Variants in KMT2C observed in about 807,000 individuals in gnomAD.
The protein encoded by KMT2C is histone-lysine N-methyltransferase 2C.
In KMT2C, 88 loss-of-function variants were observed where a neutral mutation model predicts 507.9. The ratio of observed to expected loss-of-function variants is 0.17; its 90% CI spans 0.15 to 0.21. KMT2C has a LOEUF of 0.21. KMT2C is among the 10% of genes least tolerant of loss of function. The probability of loss-of-function intolerance (pLI) is 1.00; values close to 1 mark genes in which losing one functional copy is unlikely to be tolerated. For synonymous variants in KMT2C, 2,049 were observed against 2,080.8 expected (o/e 0.98, Z 0.42); for missense variants, 4,954 against 5,957.8 (o/e 0.83, Z 5.55).
intron 1 of KMT2C, among the ~76,000 whole-genome samples, chr7:152,394,616 T>C (rs2097525840): frequency 2.0e-5 from 3 of 152,218 alleles, no homozygotes; most frequent in African/African-American, 7.2e-5. Flanking sequence ...ATGGCTTTAT[T>C]TTTTTCCATA....
At chr7:152,370,055 G>A (rs1170239704) in intron 1 of KMT2C, among the ~76,000 whole-genome samples, 5 of 152,034 alleles carry the variant, frequency 3.3e-5, no homozygotes, top group South Asian at 2.1e-4. Flanking sequence ...TTAGCTGGGC[G>A]TGGTAGTGGG....
At chr7:152,433,588 G>A (rs977619271) in intron 1 of KMT2C, among the ~76,000 whole-genome samples, 22 of 152,192 alleles carry the variant, frequency 1.4e-4, no homozygotes, top group African/African-American at 4.6e-4. Context: ...AAAGAAAGCA[G>A]TACTAGTTTT....
chr7:152,250,328 C>G (rs1391689051), intron 12 of KMT2C, among the ~76,000 whole-genome samples: 1 of 152,036 alleles, frequency 6.6e-6, no homozygotes, highest in Non-Finnish European at 1.5e-5. Context: ...ACATACAACA[C>G]CAAAGACTTT....
chr7:152,199,418 T>C lies in KMT2C; in HGVS notation c.4134A>G (p.Gln1378=), dbSNP rs1343552672. Residue 1378 remains glutamine (Q), a synonymous_variant, in exon 27 of 59, where the codon CAA becomes CAG. Coordinates refer to ENST00000262189, the MANE Select transcript of KMT2C (RefSeq NM_170606.3). ...ACAGATTATCTAAACTTATCTTGCT[T>C]TGTCTACTTGTATCTAGAAGATCTT... ...FGKDLLDTSR[Q]SKISLDNLSE... The C allele has an allele frequency of 1.3e-6, 2 of 1,581,954 alleles. No homozygotes were observed. Among genetic ancestry groups the C allele is most frequent in the Non-Finnish European group, 1.7e-6 (2 of 1,169,408 alleles).
intron 14 of KMT2C, among the ~76,000 whole-genome samples, chr7:152,245,865 G>A (rs2095463759): frequency 1.3e-5 from 2 of 152,126 alleles, no homozygotes; most frequent in South Asian, 2.1e-4. Flanking sequence ...GAAAATGCCA[G>A]TGATGTTAAC....
intron 2 of KMT2C, among the ~76,000 whole-genome samples, chr7:152,349,542 A>G (rs2097092991): frequency 6.6e-6 from 1 of 152,208 alleles, no homozygotes; most frequent in South Asian, 2.1e-4. Context: ...AAAAGACTAC[A>G]TATCCTATAT....
intron 1 of KMT2C, among the ~76,000 whole-genome samples, chr7:152,417,748 C>T (rs967370130): frequency 1.3e-5 from 2 of 150,446 alleles, no homozygotes; most frequent in African/African-American, 4.9e-5. Context: ...TTCACGCCAT[C>T]CTCCTGCTTC....
chr7:152,399,049 C>T (rs915777429), intron 1 of KMT2C, among the ~76,000 whole-genome samples: 2 of 151,920 alleles, frequency 1.3e-5, no homozygotes, highest in Admixed American at 1.3e-4. Context: ...GGCTGGTCTC[C>T]AACTCCTGAG....
intron 28 of KMT2C, among the ~76,000 whole-genome samples, chr7:152,195,288 T>C (rs1168465201): frequency 6.6e-6 from 1 of 152,208 alleles, no homozygotes; most frequent in African/African-American, 2.4e-5. Flanking sequence ...GTAAACCACA[T>C]ATTAACAAAA....
intron 7 of KMT2C, among the ~76,000 whole-genome samples, chr7:152,269,779 A>C (rs2095926766): frequency 6.6e-6 from 1 of 152,210 alleles, no homozygotes; most frequent in African/African-American, 2.4e-5. Context: ...GATGAAGCTA[A>C]ATGAAGTAAA....
At chr7:152,374,736 T>G (rs1259232484) in intron 1 of KMT2C, among the ~76,000 whole-genome samples, 3 of 151,870 alleles carry the variant, frequency 2.0e-5, no homozygotes, top group Admixed American at 6.6e-5. Context: ...CTGTCCCTAC[T>G]AAAAATACAA....
At chr7:152,259,847 A>T (rs2095738683) in intron 9 of KMT2C, among the ~76,000 whole-genome samples, 1 of 152,250 alleles carries the variant, frequency 6.6e-6, no homozygotes, top group Non-Finnish European at 1.5e-5. Flanking sequence ...GTAAACACTC[A>T]AAAGTTAAAT....
intron 1 of KMT2C, among the ~76,000 whole-genome samples, chr7:152,387,436 A>AAGT (rs1554699488): frequency 1.1e-4 from 15 of 132,692 alleles, no homozygotes; most frequent in African/African-American, 2.1e-4. Flanking sequence ...GCCAAAAAAA[A>AAGT]AAGTGACAAA....
chr7:152,322,952 A>G (rs1442064759), intron 3 of KMT2C, among the ~76,000 whole-genome samples: 1 of 152,068 alleles, frequency 6.6e-6, no homozygotes, highest in Non-Finnish European at 1.5e-5. Flanking sequence ...ATGAAAATTA[A>G]AACAAGTATA....
intron 33 of KMT2C, among the ~76,000 whole-genome samples, 170 bp from the exon 34 acceptor site, chr7:152,185,801 AG>A (rs1230273654): frequency 1.3e-5 from 2 of 152,248 alleles, no homozygotes; most frequent in African/African-American, 4.8e-5. Flanking sequence ...GGCACACTGT[AG>A]GCCAAACAAA....
At chr7:152,141,712 CAAA>C (rs1249621681) in intron 55 of KMT2C, among the ~76,000 whole-genome samples, 18 of 61,868 alleles carry the variant, frequency 2.9e-4, no homozygotes, top group Admixed American at 7.1e-4. Context: ...GACTCTGTCT[CAAA>C]AAAAAAAAAA....
intron 14 of KMT2C, among the ~76,000 whole-genome samples, chr7:152,243,286 G>C (rs2360891): frequency 0.043 from 6,519 of 152,158 alleles, 486 homozygotes; most frequent in African/African-American, 0.15. Context: ...GAACTAAAAG[G>C]AAAGTCTGGT....
intron 6 of KMT2C, among the ~76,000 whole-genome samples, chr7:152,279,941 G>A (rs1424694766): frequency 2.0e-5 from 3 of 152,416 alleles, no homozygotes; most frequent in South Asian, 2.1e-4. Context: ...TACAGAGGCT[G>A]TAAATATGAT....
chr7:152,395,363 C>G (rs530866920), intron 1 of KMT2C, among the ~76,000 whole-genome samples: 30 of 151,934 alleles, frequency 2.0e-4, no homozygotes, highest in South Asian at 4.2e-4. Context: ...TTTCCCCCCC[C>G]CAGTTAGAGA....
Sources: allele counts gnomAD v4.1 joint callset (sites outside exome capture counted in the v4.1 genomes callset), GRCh38; gene constraint gnomAD v4.1.1; transcripts MANE v1.5; gene names NCBI Gene and HGNC (gene_info 2026-07-23, HGNC 2026-07-21).